Variants in GREB1L observed in about 807,000 individuals in gnomAD.
The protein encoded by GREB1L is GREB1-like protein.
Under a neutral mutation model 200.8 loss-of-function variants are expected in GREB1L, and 17 were observed. The ratio of observed to expected loss-of-function variants is 0.08; its 90% CI spans 0.06 to 0.13. The LOEUF (loss-of-function observed/expected upper bound fraction) is 0.13, where lower values mean the gene tolerates loss of function less well. Among genes scored for constraint, GREB1L ranks in the 10% least tolerant of loss-of-function variants. The pLI is 1.00. For missense variants in GREB1L, 1,657 were observed against 2,367.7 expected (o/e 0.70, Z 6.23); for synonymous variants, 789 against 893.0 (o/e 0.88, Z 2.08).
In GREB1L at chr18:21,496,710, C is replaced by G; in HGVS notation, c.3391+12C>G. ...CACAGGGACCTCGGGTCAGTACTTT[C>G]TTTTCTCTTTCATGGAGTGAGAGAC... On this transcript the variant is annotated intron_variant, in intron 21 of 32. Transcript: ENST00000424526. The G allele has an allele frequency of 6.5e-7, 1 of 1,549,964 alleles. No individual in the cohort carries two copies.
chr18:21,249,751 T>C lies in GREB1L; in HGVS notation c.-120+7358T>C, dbSNP rs564264207. Among the ~76,000 whole-genome samples the C allele has an allele frequency of 7.9e-5, 12 of 151,886 alleles. No homozygotes were observed. The East Asian group carries it at 2.1e-3, about 27-fold the overall frequency. On this transcript the variant is annotated intron_variant, in intron 1 of 32. Coordinates refer to ENST00000424526, the MANE Select transcript of GREB1L (RefSeq NM_001142966.3). Reference sequence around the variant, plus strand: ...GGTGTATGCCTGTAATCCCAGCTACTTGGGAGGCTGAGGCAGGAGAATCAT... The same window carrying C: ...GGTGTATGCCTGTAATCCCAGCTACCTGGGAGGCTGAGGCAGGAGAATCAT...
intron 1 of GREB1L, among the ~76,000 whole-genome samples, chr18:21,263,704 A>C (rs1189740034): frequency 6.6e-6 from 1 of 152,196 alleles, no homozygotes; most frequent in Admixed American, 6.5e-5. Flanking sequence ...TCCTTACTTT[A>C]AATGCTACCT....
chr18:21,365,557 A>G (rs1007688917), intron 1 of GREB1L, among the ~76,000 whole-genome samples: 3 of 152,172 alleles, frequency 2.0e-5, no homozygotes, highest in African/African-American at 7.2e-5. Context: ...GAAAATTTTC[A>G]ATCAATAGTA....
chr18:21,440,240 CT>C (rs760477569), intron 8 of GREB1L, 28 bp from the exon 9 acceptor site: 2 of 1,549,060 alleles, frequency 1.3e-6, no homozygotes, highest in Admixed American at 2.0e-5. Context: ...AAGACTATCT[CT>C]TTTTTTTGTT....
At chr18:21,413,324 A>T (rs778744966) in intron 7 of GREB1L, among the ~76,000 whole-genome samples, 2 of 152,146 alleles carry the variant, frequency 1.3e-5, no homozygotes, top group African/African-American at 4.8e-5. Flanking sequence ...GGAGTGTATC[A>T]TTCAACCGTC....
chr18:21,378,849 C>T (rs1275118524), intron 2 of GREB1L, among the ~76,000 whole-genome samples: 1 of 151,958 alleles, frequency 6.6e-6, no homozygotes, highest in African/African-American at 2.4e-5. Flanking sequence ...AACTCCATTG[C>T]CCATTTTTAA....
intron 7 of GREB1L, among the ~76,000 whole-genome samples, chr18:21,424,298 T>C (rs1176856980): frequency 6.6e-6 from 1 of 152,234 alleles, no homozygotes; most frequent in Non-Finnish European, 1.5e-5. Flanking sequence ...CCAGGTGCAG[T>C]GGCTCAAGCC....
intron 1 of GREB1L, among the ~76,000 whole-genome samples, chr18:21,291,109 C>CAGGT (rs2038442524): frequency 6.6e-6 from 1 of 152,112 alleles, no homozygotes; most frequent in African/African-American, 2.4e-5. Flanking sequence ...GTTCTTCAGC[C>CAGGT]AGGTGATCAC....
At chr18:21,461,036 G>T (rs1357484048) in intron 15 of GREB1L, among the ~76,000 whole-genome samples, 1 of 150,936 alleles carries the variant, frequency 6.6e-6, no homozygotes, top group Non-Finnish European at 1.5e-5. Flanking sequence ...GGCAGAGGTT[G>T]CAGTGAGCCG....
chr18:21,412,784 T>C (rs1195644399), intron 7 of GREB1L, among the ~76,000 whole-genome samples: 1 of 152,124 alleles, frequency 6.6e-6, no homozygotes, highest in East Asian at 1.9e-4. Flanking sequence ...TATAAATGTT[T>C]TGTGCACTCT....
chr18:21,508,535 A>T lies in GREB1L; in HGVS notation c.4679A>T (p.Tyr1560Phe). ...KEYEMPLYRKYWPNHIMLVLP... is the reference protein window; with the variant it reads ...KEYEMPLYRKFWPNHIMLVLP... ...TATGAGATGCCTCTGTACCGCAAGT[A>T]CTGGCCCAACCACATCATGCTGGTG... Residue 1560 changes from tyrosine to phenylalanine, a missense_variant, in exon 27 of 33, where the codon TAC becomes TTC. Tyr to Phe is a conservative substitution (Grantham distance 22). Coordinates refer to ENST00000424526, the MANE Select transcript of GREB1L (RefSeq NM_001142966.3). 1 of 1,551,804 alleles carries T rather than the reference A, an allele frequency of 6.4e-7. No homozygotes were observed. The highest frequency in any genetic ancestry group is 8.7e-7 in the Non-Finnish European group (1 of 1,147,050).
At chr18:21,483,269 G>A (rs2035993511) in intron 17 of GREB1L, among the ~76,000 whole-genome samples, 1 of 152,164 alleles carries the variant, frequency 6.6e-6, no homozygotes, top group Non-Finnish European at 1.5e-5. Context: ...AAAGAAACAG[G>A]GGCCAAGGGT....
intron 5 of GREB1L, 33 bp downstream of exon 5, chr18:21,395,594 A>G (rs2041022097): frequency 1.4e-6 from 2 of 1,454,052 alleles, no homozygotes; most frequent in African/African-American, 1.4e-5. Context: ...ATTCCTTCCA[A>G]TATGAGGGAG....
At chr18:21,429,787 G>T (rs757676654) in intron 7 of GREB1L, among the ~76,000 whole-genome samples, 6 of 152,042 alleles carry the variant, frequency 3.9e-5, no homozygotes, top group Admixed American at 3.3e-4. Flanking sequence ...CTAAGAATTT[G>T]TCAATTTCAA....
chr18:21,258,779 A>G (rs541408043), intron 1 of GREB1L, among the ~76,000 whole-genome samples: 82 of 152,338 alleles, frequency 5.4e-4, no homozygotes, highest in Non-Finnish European at 1.1e-3. Flanking sequence ...TGCGTGTTCA[A>G]TTGATCATCA....
chr18:21,474,624 G>A (rs1446505304), intron 16 of GREB1L, among the ~76,000 whole-genome samples: 1 of 152,176 alleles, frequency 6.6e-6, no homozygotes, highest in Non-Finnish European at 1.5e-5. Flanking sequence ...GGCCCCTTTA[G>A]TCATGGCTGG....
In GREB1L at chr18:21,477,176, C is replaced by G; in HGVS notation, c.2376C>G (p.Gly792=). The G allele has an allele frequency of 6.5e-7, 1 of 1,550,362 alleles. No individual in the cohort carries two copies. The highest frequency in any genetic ancestry group is 8.7e-7 in the Non-Finnish European group (1 of 1,145,990). ...SHVELTSVIS[G]SLSHSEPSHG... Reference sequence around the variant, plus strand: ...AATTTTTCTACAGTGTCATTTCAGGCTCTTTGTCACATAGCGAACCCAGTC... The same window carrying G: ...AATTTTTCTACAGTGTCATTTCAGGGTCTTTGTCACATAGCGAACCCAGTC... Residue 792 remains glycine, a synonymous_variant, in exon 17 of 33, where the codon GGC becomes GGG. Transcript: ENST00000424526.
intron 1 of GREB1L, among the ~76,000 whole-genome samples, chr18:21,253,651 G>T (rs915227255): frequency 6.6e-6 from 1 of 152,106 alleles, no homozygotes; most frequent in Admixed American, 6.6e-5. Flanking sequence ...TAGCATGTGA[G>T]AATGATATTA....
At chr18:21,389,334 T>G (rs79996329) in intron 4 of GREB1L, among the ~76,000 whole-genome samples, 2 of 61,738 alleles carry the variant, frequency 3.2e-5, no homozygotes, top group East Asian at 6.2e-4. Context: ...ATGGGGTGGG[T>G]TTTTTTTTTT....
Sources: gnomAD v4.1 joint callset for allele counts (sites outside exome capture counted in the v4.1 genomes callset) on GRCh38, gnomAD v4.1.1 for gene constraint, MANE v1.5 for transcripts, NCBI Gene and HGNC (gene_info 2026-07-23, HGNC 2026-07-21) for gene names.